Variants in VAV3 observed in about 807,000 individuals in gnomAD.
The protein encoded by VAV3 is vav guanine nucleotide exchange factor 3.
VAV3 carries 94 observed loss-of-function variants against 131.2 expected under a neutral mutation model. The observed-to-expected ratio is 0.72, with a 90% CI of 0.61 to 0.85. The LOEUF is 0.85. Among genes scored for constraint, VAV3 ranks in the 40% least tolerant of loss-of-function variants. VAV3 has a pLI of 0.00. For synonymous variants in VAV3, 349 were observed against 342.0 expected, an observed-to-expected ratio of 1.02 and a Z score of -0.22; for missense variants, 939 against 1,002.7, an observed-to-expected ratio of 0.94 and a Z score of 0.86.
chr1:107,785,371 T>C (rs1665924918), intron 2 of VAV3: 6 of 1,202,920 alleles, frequency 5.0e-6, no homozygotes, highest in African/African-American at 1.6e-5. Context: ...ATCTCACCAC[T>C]TAACCCATAC....
chr1:107,617,761 C>A (rs1314051455), intron 20 of VAV3, 129 bp from the exon 21 acceptor site: 10 of 632,042 alleles, frequency 1.6e-5, no homozygotes, highest in Non-Finnish European at 2.6e-5. Context: ...CAGTCCTGAG[C>A]ATTAACTTAC....
At chr1:107,666,758 T>A (rs576771792) in intron 19 of VAV3, among the ~76,000 whole-genome samples, 2 of 152,054 alleles carry the variant, frequency 1.3e-5, no homozygotes, top group African/African-American at 4.8e-5. Context: ...ATAAATTATG[T>A]GCCAGTCCCT....
At chr1:107,649,868 C>T (rs762984789) in intron 19 of VAV3, among the ~76,000 whole-genome samples, 6 of 151,998 alleles carry the variant, frequency 3.9e-5, no homozygotes, top group Non-Finnish European at 8.8e-5. Context: ...CCTCATAAAG[C>T]TCATATTTTA....
intron 1 of VAV3, among the ~76,000 whole-genome samples, chr1:107,940,042 T>C (rs1032975484): frequency 6.6e-6 from 1 of 152,148 alleles, no homozygotes; most frequent in African/African-American, 2.4e-5. Flanking sequence ...GGAGGAAAGA[T>C]ATCCAATACA....
chr1:107,779,324 G>T, intron 3 of VAV3, 110 bp downstream of exon 3: 1 of 930,862 alleles, frequency 1.1e-6, no homozygotes, highest in South Asian at 2.8e-5. Context: ...CACTCTTCAT[G>T]AATGAGACAT....
At chr1:107,873,337 A>C (rs573828953) in intron 2 of VAV3, among the ~76,000 whole-genome samples, 38 of 152,282 alleles carry the variant, frequency 2.5e-4, no homozygotes, top group African/African-American at 9.1e-4. Context: ...ATTTCTTGCA[A>C]ACTTAAATGA....
chr1:107,649,596 C>T (rs1284600070), intron 19 of VAV3, among the ~76,000 whole-genome samples: 3 of 151,898 alleles, frequency 2.0e-5, no homozygotes, highest in Admixed American at 6.6e-5. Flanking sequence ...CTACCATAAA[C>T]ACCCAGCTCC....
At chr1:107,688,624 A>C in intron 17 of VAV3, 1 of 1,254,558 alleles carries the variant, frequency 8.0e-7, no homozygotes, top group Non-Finnish European at 1.1e-6. Flanking sequence ...CACAGTTTTA[A>C]ATGACTTCTA....
intron 1 of VAV3, among the ~76,000 whole-genome samples, chr1:107,927,708 G>C (rs889137056): frequency 6.6e-6 from 1 of 152,052 alleles, no homozygotes; most frequent in Non-Finnish European, 1.5e-5. Flanking sequence ...GGAAAGGGGA[G>C]GGAAGAGTAG....
At chr1:107,832,449 C>T (rs1281093218) in intron 2 of VAV3, among the ~76,000 whole-genome samples, 1 of 152,202 alleles carries the variant, frequency 6.6e-6, no homozygotes, top group Non-Finnish European at 1.5e-5. Context: ...TGAACAATGA[C>T]CTGCGAGTCT....
chr1:107,605,080 A>G (rs1362396954), intron 22 of VAV3, among the ~76,000 whole-genome samples: 1 of 152,192 alleles, frequency 6.6e-6, no homozygotes, highest in African/African-American at 2.4e-5. Context: ...CATTCAAAGA[A>G]TATCTGCCCT....
At chr1:107,669,925 T>C (rs573411023) in intron 19 of VAV3, among the ~76,000 whole-genome samples, 69 of 152,334 alleles carry the variant, frequency 4.5e-4, no homozygotes, top group Non-Finnish European at 8.5e-4. Context: ...GTTGAGAATC[T>C]GAGATACATG....
chr1:107,573,057 T>G lies in VAV3; in HGVS notation c.*274A>C. ...ACGAACCAATGTGTTTGCAGGGCTC[T>G]TCTGGGAAGAACAGCTCTTGGTTTT... On this transcript the variant is annotated 3_prime_UTR_variant, in exon 27 of 27. Coordinates refer to ENST00000370056, the MANE Select transcript of VAV3 (RefSeq NM_006113.5). 4.5e-6 allele frequency: 2 copies of G among 439,834 alleles called. No homozygotes were observed. The highest frequency in any genetic ancestry group is 7.1e-5 in the East Asian group (2 of 28,178). The allele number at this position is 439,834 out of a possible 1,614,324, so 27.2% of individuals were successfully genotyped here. A position where few individuals can be genotyped will look rare whatever the true frequency, so the allele number is the denominator to read the frequency against.
At chr1:107,951,951 C>A (rs1313408581) in intron 1 of VAV3, among the ~76,000 whole-genome samples, 1 of 152,046 alleles carries the variant, frequency 6.6e-6, no homozygotes, top group Non-Finnish European at 1.5e-5. Flanking sequence ...ACCATTTGAC[C>A]CAGCAATCCC....
At chr1:107,699,793 A>C (rs377310582) in intron 17 of VAV3, among the ~76,000 whole-genome samples, 27 of 152,162 alleles carry the variant, frequency 1.8e-4, no homozygotes, top group Admixed American at 1.3e-4. Flanking sequence ...GCAAAGGAGA[A>C]AGAAATCCAG....
intron 1 of VAV3, among the ~76,000 whole-genome samples, chr1:107,931,910 T>C (rs1673455054): frequency 6.6e-6 from 1 of 152,240 alleles, no homozygotes; most frequent in Non-Finnish European, 1.5e-5. Flanking sequence ...GCATGGTCCT[T>C]ATGAAACTAA....
chr1:107,733,159 G>T (rs923230702), intron 15 of VAV3, among the ~76,000 whole-genome samples: 8 of 152,080 alleles, frequency 5.3e-5, no homozygotes, highest in Admixed American at 5.2e-4. Flanking sequence ...ACTGTTAGAG[G>T]GAAAACTAAC....
rs35391183 is a variant in VAV3 at position 107,761,392 on chromosome 1, C to CA, written c.922-514dup. 2.1e-3 allele frequency among the ~76,000 whole-genome samples: 219 copies of CA among 102,422 alleles called. 3 individuals carry two copies. The East Asian group carries it at 0.027, about 13-fold the overall frequency. The allele number at this position is 102,422 out of a possible 152,430, so 67.2% of individuals were successfully genotyped here. A position where few individuals can be genotyped will look rare whatever the true frequency, so the allele number is the denominator to read the frequency against. Reference sequence around the variant, plus strand: ...TGGGTGACAGAGTGAGACTCCGTCTCAAAAAAAAAAAAAAAAAGAAAAAAG... The same window carrying CA: ...TGGGTGACAGAGTGAGACTCCGTCTCAAAAAAAAAAAAAAAAAAGAAAAAAG... On this transcript the variant is annotated intron_variant, in intron 9 of 26. Coordinates refer to ENST00000370056, the MANE Select transcript of VAV3 (RefSeq NM_006113.5).
intron 17 of VAV3, among the ~76,000 whole-genome samples, chr1:107,697,508 A>G (rs570809216): frequency 2.0e-5 from 3 of 152,358 alleles, no homozygotes; most frequent in African/African-American, 7.2e-5. Context: ...AAATTTAGCC[A>G]GAGGTTTTAA....
Sources: allele counts gnomAD v4.1 joint callset (sites outside exome capture counted in the v4.1 genomes callset), GRCh38; gene constraint gnomAD v4.1.1; transcripts MANE v1.5; gene names NCBI Gene and HGNC (gene_info 2026-07-23, HGNC 2026-07-21).